Variants in NLRP12 observed in about 807,000 individuals in gnomAD.
The protein encoded by NLRP12 is NACHT, LRR and PYD domains-containing protein 12.
In NLRP12, 108 loss-of-function variants were observed where a neutral mutation model predicts 91.2. That is an observed-to-expected ratio of 1.18 (90% confidence interval 1.01 to 1.39). The LOEUF (loss-of-function observed/expected upper bound fraction) is 1.39, where lower values mean the gene tolerates loss of function less well. Ranked by LOEUF, NLRP12 falls within the 40% of genes most tolerant of loss-of-function variation. The pLI is 0.00. For missense variants in NLRP12, 1,530 were observed against 1,352.7 expected (o/e 1.13, Z -2.06); for synonymous variants, 613 against 566.7 (o/e 1.08, Z -1.16).
chr19:53,816,376 GC>G (rs141048455), intron 1 of NLRP12, among the ~76,000 whole-genome samples: 4 of 149,678 alleles, frequency 2.7e-5, no homozygotes, highest in Admixed American at 6.7e-5. Flanking sequence ...TACACAGCCC[GC>G]CCCCCCCAAC....
Position 53,805,380 on chromosome 19 carries a change from A to C in NLRP12, c.2314T>G (p.Leu772Val), listed in dbSNP as rs1215875993. Residue 772 changes from leucine to valine, a missense_variant, in exon 5 of 10, where the codon TTG (leucine) becomes GTG (valine). By Grantham distance (32) the Leu-to-Val change is conservative. Coordinates refer to ENST00000324134, the MANE Select transcript of NLRP12 (RefSeq NM_144687.4). ...LSAALIANKN[L>V]TRMDLSGNGV... ...TTGCCACTGAGATCCATCCTTGTCA[A>C]ATTCTTATTGGCTATGAGAGCTGCA... 1 of 1,613,942 alleles carries C rather than the reference A, an allele frequency of 6.2e-7. No homozygotes were observed. Among genetic ancestry groups the C allele is most frequent in the Admixed American group, 1.7e-5 (1 of 59,968 alleles).
rs955229973 is a variant in NLRP12 at position 53,801,225 on chromosome 19, A to T, written c.2756+2T>A. ...TAGCGTGGTGAGCAAAACGGGACTC[A>T]CCGCAGGGTCTGGAGCTTGCACGTG... On this transcript the variant is annotated splice_donor_variant, in intron 7 of 9. Coordinates refer to ENST00000324134, the MANE Select transcript of NLRP12 (RefSeq NM_144687.4). LOFTEE classifies it high-confidence loss of function. 15 of 1,613,722 alleles carry T rather than the reference A, an allele frequency of 9.3e-6. No homozygotes were observed. The highest frequency in any genetic ancestry group is 1.3e-5 in the Non-Finnish European group (15 of 1,179,928).
At chr19:53,817,167 A>G (rs930935639) in intron 1 of NLRP12, among the ~76,000 whole-genome samples, 9 of 151,734 alleles carry the variant, frequency 5.9e-5, no homozygotes, top group Non-Finnish European at 8.8e-5. Context: ...GGTGGCAGGC[A>G]CCTGTAGTCC....
At position 53,810,477 on chromosome 19, in the gene NLRP12, G is replaced by C. The variant is rs201241894; in HGVS notation, c.1182C>G (p.Asn394Lys). ...AGQVFNYVRD[N>K]EPLFTMCFVP... is the part of the protein sequence containing the mutation. ...CGAAGCACATGGTGAAGAGAGGCTC[G>C]TTGTCCCTCACGTAATTGAAGACTT... The change falls in exon 3 of 10, where the codon AAC becomes AAG. Residue 394 changes from asparagine to lysine, a missense_variant. By Grantham distance (94) the Asn-to-Lys change is moderately conservative. Transcript: ENST00000324134. 209 of 1,614,102 alleles carry C rather than the reference G, an allele frequency of 1.3e-4. No individual in the cohort carries two copies. The East Asian group carries it at 2.0e-3, about 15-fold the overall frequency.
At chr19:53,816,884 AGG>A (rs964170861) in intron 1 of NLRP12, among the ~76,000 whole-genome samples, 2 of 152,014 alleles carry the variant, frequency 1.3e-5, no homozygotes, top group Non-Finnish European at 2.9e-5. Flanking sequence ...TTGAGAGGAA[AGG>A]GGAAAATAGG....
At chr19:53,806,886 AAAG>A (rs2091968731) in intron 4 of NLRP12, among the ~76,000 whole-genome samples, 1 of 150,914 alleles carries the variant, frequency 6.6e-6, no homozygotes, top group African/African-American at 2.4e-5. Flanking sequence ...AAAGTAAAAA[AAAG>A]AAAAAAATTT....
chr19:53,815,066 G>A (rs1043894619), intron 1 of NLRP12, 78 bp from the exon 2 acceptor site: 22 of 1,071,688 alleles, frequency 2.1e-5, no homozygotes, highest in East Asian at 2.4e-5. Context: ...CGATTACGTC[G>A]AAATGCCTGC....
At position 53,810,902 on chromosome 19, in the gene NLRP12, T is replaced by C; in HGVS notation, c.757A>G (p.Arg253Gly). 2 of 1,614,134 alleles carry C rather than the reference T, an allele frequency of 1.2e-6. No homozygotes were observed. Among genetic ancestry groups the C allele is most frequent in the Non-Finnish European group, 1.7e-6 (2 of 1,180,028 alleles). Residue 253 changes from arginine to glycine, a missense_variant, in exon 3 of 10, where the codon AGG (arginine) becomes GGG (glycine). By Grantham distance (125) the Arg-to-Gly change is moderately radical. Coordinates refer to ENST00000324134, the MANE Select transcript of NLRP12 (RefSeq NM_144687.4). Reference protein sequence around the residue: ...RFDYLFYINCREMNQSATECS... With the variant: ...RFDYLFYINCGEMNQSATECS... ...TCCGTGGCACTCTGGTTCATCTCCC[T>C]GCAGTTGATGTAGAAGAGATAATCA...
At chr19:53,823,393 T>TAATATATATTTA (rs2092290127) in intron 1 of NLRP12, among the ~76,000 whole-genome samples, 1 of 100,106 alleles carries the variant, frequency 1.0e-5, no homozygotes, top group East Asian at 2.5e-4. Flanking sequence ...ATACATATTT[T>TAATATATATTTA]AAATATATAT....
chr19:53,810,535 T>C lies in NLRP12; in HGVS notation c.1124A>G (p.Tyr375Cys), dbSNP rs1555796282. 4 of 1,614,162 alleles carry C rather than the reference T, an allele frequency of 2.5e-6. No homozygotes were observed. In the East Asian group the frequency reaches 8.9e-5, roughly 36 times the overall value. ...CTGCTCTGCATTGTGGAAATACTTG[T>C]AGAAGTATTCCTTCCTTTCTGCCTC... ...FSEAERKEYF[Y>C]KYFHNAEQAG... Residue 375 changes from tyrosine to cysteine, a missense_variant, in exon 3 of 10, where the codon TAC becomes TGC. Tyr to Cys is a radical substitution (Grantham distance 194, BLOSUM62 -2). Coordinates refer to ENST00000324134, the MANE Select transcript of NLRP12 (RefSeq NM_144687.4).
chr19:53,809,534 AAAAAAAAC>A, intron 3 of NLRP12, 45 bp downstream of exon 3: 1 of 1,436,780 alleles, frequency 7.0e-7, no homozygotes, highest in Non-Finnish European at 9.3e-7. Context: ...AAAAAAAAAA[AAAAAAAAC>A]ACACGAACCT....
chr19:53,819,063 C>T (rs1006867657), intron 1 of NLRP12, among the ~76,000 whole-genome samples: 21 of 152,032 alleles, frequency 1.4e-4, no homozygotes, highest in African/African-American at 5.1e-4. Flanking sequence ...CGGGGAAGAA[C>T]GCTCGGCAAA....
At chr19:53,798,735 C>G (rs1000112186) in intron 7 of NLRP12, among the ~76,000 whole-genome samples, 1 of 151,500 alleles carries the variant, frequency 6.6e-6, no homozygotes, top group African/African-American at 2.4e-5. Context: ...CTTGTCTGTA[C>G]AAAAAAAAAT....
chr19:53,818,949 G>T (rs769103389), intron 1 of NLRP12, among the ~76,000 whole-genome samples: 2 of 152,024 alleles, frequency 1.3e-5, no homozygotes, highest in Admixed American at 1.3e-4. Context: ...GAGGCCCAGG[G>T]GCATATCGAT....
rs1156993113 is a variant in NLRP12 at position 53,810,989 on chromosome 19, A to G, written c.670T>C (p.Ser224Pro). 1.2e-6 allele frequency: 2 copies of G among 1,614,106 alleles called. No homozygotes were observed. Among genetic ancestry groups the G allele is most frequent in the East Asian group, 4.5e-5 (2 of 44,872 alleles). The change falls in exon 3 of 10, where the codon TCC becomes CCC. Residue 224 changes from serine to proline, a missense_variant. Ser to Pro is a moderately conservative substitution (Grantham distance 74, BLOSUM62 -1). Transcript: ENST00000324134. ...AGCATCACCTTGTGTGCCAGCATGG[A>G]CTTGCCTATCCCTGCCGCGCCTTGC... ...VMQGAAGIGKSMLAHKVMLDW... is the reference protein window; with the variant it reads ...VMQGAAGIGKPMLAHKVMLDW...
chr19:53,809,003 A>G (rs1250338701), intron 3 of NLRP12, among the ~76,000 whole-genome samples: 2 of 151,964 alleles, frequency 1.3e-5, no homozygotes, highest in African/African-American at 4.8e-5. Flanking sequence ...AGGTGGGTGG[A>G]TCACTTGAGG....
rs747712396 is a variant in NLRP12 at position 53,810,085 on chromosome 19, T to G, written c.1574A>C (p.Tyr525Ser). Residue 525 changes from tyrosine (Y) to serine (S), a missense_variant, in exon 3 of 10, where the codon TAC becomes TCC. Transcript: ENST00000324134. Reference protein sequence around the residue: ...LSFQEFFAAMYYILDEGEGGA... With the variant: ...LSFQEFFAAMSYILDEGEGGA... ...GCCCTCCCCCTCGTCCAGGATATAG[T>G]ACATAGCTGCAAAGAATTCCTGGAA... 6.2e-7 allele frequency: 1 copy of G among 1,614,138 alleles called. No homozygotes were observed. The highest frequency in any genetic ancestry group is 8.5e-7 in the Non-Finnish European group (1 of 1,180,016).
rs766308091 is a variant in NLRP12 at position 53,811,109 on chromosome 19, C to T, written c.550G>A (p.Ala184Thr). 11 of 1,613,946 alleles carry T rather than the reference C, an allele frequency of 6.8e-6. No homozygotes were observed. Among genetic ancestry groups the T allele is most frequent in the Middle Eastern group, 1.6e-4 (1 of 6,084 alleles). Residue 184 changes from alanine (A) to threonine (T), a missense_variant, in exon 3 of 10, where the codon GCG becomes ACG. Transcript: ENST00000324134. ...CTAGCCTGGTGTCCCACGGTCCTCGCGTGTCCCCGGCCTGTGTCCAGAAGC... is the reference window on the plus strand; with the variant it reads ...CTAGCCTGGTGTCCCACGGTCCTCGTGTGTCCCCGGCCTGTGTCCAGAAGC... ...QQLLDTGRGH[A>T]RTVGHQASPI...
At chr19:53,803,908 A>C in intron 6 of NLRP12, 44 bp downstream of exon 6, 20 of 1,576,220 alleles carry the variant, frequency 1.3e-5, no homozygotes, top group Non-Finnish European at 1.5e-5. Flanking sequence ...TTCAATATGA[A>C]GAGATTTGCC....
Sources: allele counts gnomAD v4.1 joint callset (sites outside exome capture counted in the v4.1 genomes callset), GRCh38; gene constraint gnomAD v4.1.1; transcripts MANE v1.5; gene names NCBI Gene and HGNC (gene_info 2026-07-23, HGNC 2026-07-21).